Variants in MCUR1 observed in about 807,000 individuals in gnomAD.
The protein encoded by MCUR1 is MCU regulator 1.
In MCUR1, 37 loss-of-function variants were observed where a neutral mutation model predicts 42.0. The observed-to-expected ratio is 0.88, with a 90% CI of 0.68 to 1.16. The LOEUF is 1.16. Among genes scored for constraint, MCUR1 ranks in the 50% most tolerant of loss-of-function variants. The probability of loss-of-function intolerance (pLI) is 0.00; values close to 1 mark genes in which losing one functional copy is unlikely to be tolerated. For synonymous variants in MCUR1, 229 were observed against 196.2 expected, an observed-to-expected ratio of 1.17 and a Z score of -1.40; for missense variants, 469 against 468.4, an observed-to-expected ratio of 1.00 and a Z score of -0.01.
rs1357586369 is a variant in MCUR1, at chr6:13,802,287, TG to T, written c.594del (p.Asn199ThrfsTer22). 6.2e-7 allele frequency: 1 copy of T among 1,614,038 alleles called. No homozygotes were observed. The highest frequency in any genetic ancestry group is 8.5e-7 in the Non-Finnish European group (1 of 1,179,926). On this transcript the variant is annotated frameshift_variant, in exon 3 of 9. Transcript: ENST00000379170. LOFTEE classifies it high-confidence loss of function. ...IVSALVKILE[A>X]NMDIVYKDMV... ...ATATCTTTGTAGACGATGTCCATGT[TG>T]GCCTCCAGGATCTTGACCAATGCAG...
chr6:13,801,774 C>A (rs1584986676), intron 3 of MCUR1, among the ~76,000 whole-genome samples: 1 of 152,060 alleles, frequency 6.6e-6, no homozygotes, highest in Non-Finnish European at 1.5e-5. Flanking sequence ...CACTTGAACC[C>A]AGGAGGTCAA....
chr6:13,800,160 CAA>C, intron 5 of MCUR1, among the ~76,000 whole-genome samples, 179 bp downstream of exon 5: 1 of 152,222 alleles, frequency 6.6e-6, no homozygotes, highest in African/African-American at 2.4e-5. Context: ...TGGTTACAGA[CAA>C]CAGTAATTCA....
Position 13,790,791 on chromosome 6 carries a change from C to A in MCUR1, c.*18G>T, listed in dbSNP as rs1475631126. ...TCTTAAGGCAAAACAGTAGAAATCA[C>A]TTTAAATAGACACTTTATTAGATCC... On this transcript the variant is annotated 3_prime_UTR_variant, in exon 9 of 9. Coordinates refer to ENST00000379170, the MANE Select transcript of MCUR1 (RefSeq NM_001031713.4). 6.2e-7 allele frequency: 1 copy of A among 1,603,834 alleles called. No individual in the cohort carries two copies. Among genetic ancestry groups the A allele is most frequent in the Non-Finnish European group, 8.5e-7 (1 of 1,171,928 alleles).
chr6:13,810,064 G>A (rs373623573), intron 1 of MCUR1, among the ~76,000 whole-genome samples: 4 of 152,058 alleles, frequency 2.6e-5, no homozygotes, highest in South Asian at 4.2e-4. Context: ...TTAGCCATGC[G>A]TGGTGGCAGG....
chr6:13,792,690 A>G (rs1759757786), intron 7 of MCUR1, among the ~76,000 whole-genome samples: 1 of 152,172 alleles, frequency 6.6e-6, no homozygotes. Flanking sequence ...CATAAAAACC[A>G]TGGGAATCCT....
At chr6:13,809,009 T>C (rs1231661641) in intron 1 of MCUR1, among the ~76,000 whole-genome samples, 1 of 152,188 alleles carries the variant, frequency 6.6e-6, no homozygotes, top group Non-Finnish European at 1.5e-5. Flanking sequence ...GGTGCAAGCA[T>C]AGCTCACTAC....
Position 13,800,402 on chromosome 6 carries a change from AAG to A in MCUR1, c.742-22_742-21del. ...TATTTTCTAAAAACACATAAAAAAA[AAG>A]TCATTAGAAAGAACAACATAAAACG... On this transcript the variant is annotated intron_variant, in intron 4 of 8. Coordinates refer to ENST00000379170, the MANE Select transcript of MCUR1 (RefSeq NM_001031713.4). 1 of 1,016,346 alleles carries A rather than the reference AAG, an allele frequency of 9.8e-7. No homozygotes were observed. The highest frequency in any genetic ancestry group is 1.5e-6 in the Non-Finnish European group (1 of 676,632). The allele number at this position is 1,016,346 out of a possible 1,614,324, so 63.0% of individuals were successfully genotyped here.
chr6:13,804,241 T>C, intron 2 of MCUR1: 1 of 187,338 alleles, frequency 5.3e-6, no homozygotes, highest in Non-Finnish European at 1.1e-5. Flanking sequence ...GAGGATCGCT[T>C]GAAACCGGGA....
At position 13,801,379 on chromosome 6, in the gene MCUR1, A is replaced by G; in HGVS notation, c.650T>C (p.Phe217Ser). 6.2e-7 allele frequency: 1 copy of G among 1,610,102 alleles called. No individual in the cohort carries two copies. The highest frequency in any genetic ancestry group is 8.5e-7 in the Non-Finnish European group (1 of 1,178,580). The change falls in exon 4 of 9, where the codon TTT becomes TCT. Residue 217 changes from phenylalanine to serine, a missense_variant. Transcript: ENST00000379170. ...CGCAATCTGAGACATTACTTGCTGA[A>G]AAGTGATTTCCTAGGAAAAGAAAAA... The part of the protein sequence containing the change: ...MVTKMQQEIT[F>S]QQVMSQIANV...
intron 4 of MCUR1, 81 bp downstream of exon 4, chr6:13,801,207 C>T (rs776133400): frequency 9.7e-6 from 9 of 924,882 alleles, no homozygotes; most frequent in African/African-American, 6.6e-5. Flanking sequence ...GTACACTTAA[C>T]GTGTGCTCTT....
At chr6:13,803,959 A>G in intron 2 of MCUR1, 1 of 934,062 alleles carries the variant, frequency 1.1e-6, no homozygotes, top group Non-Finnish European at 1.3e-6. Flanking sequence ...TAGTGATCCC[A>G]TCTCCATTTT....
At chr6:13,807,408 T>C (rs1418317518) in intron 1 of MCUR1, among the ~76,000 whole-genome samples, 1 of 152,226 alleles carries the variant, frequency 6.6e-6, no homozygotes, top group East Asian at 1.9e-4. Flanking sequence ...AATGGAATCA[T>C]ATAATATATA....
intron 1 of MCUR1, among the ~76,000 whole-genome samples, chr6:13,812,085 C>T (rs112077641): frequency 0.012 from 1,771 of 152,242 alleles, 32 homozygotes; most frequent in African/African-American, 0.04. Flanking sequence ...AGGAAGCGAG[C>T]CAACTGAGCT....
At chr6:13,798,763 T>C in intron 6 of MCUR1, 70 bp downstream of exon 6, 2 of 1,185,986 alleles carry the variant, frequency 1.7e-6, no homozygotes, top group Middle Eastern at 3.9e-4. Flanking sequence ...GTACATAAAC[T>C]TAGGCTTAAC....
intron 1 of MCUR1, among the ~76,000 whole-genome samples, chr6:13,808,462 G>C (rs1422469616): frequency 6.6e-6 from 1 of 151,980 alleles, no homozygotes; most frequent in Non-Finnish European, 1.5e-5. Flanking sequence ...TTCACTTTTC[G>C]ATACTGTCTT....
chr6:13,798,716 T>C, intron 6 of MCUR1, 117 bp downstream of exon 6: 1 of 695,030 alleles, frequency 1.4e-6, no homozygotes. Flanking sequence ...AGCCTAACAC[T>C]GATAAACAGA....
chr6:13,801,410 C>T (rs1453676522), intron 3 of MCUR1, 21 bp from the exon 4 acceptor site: 1 of 1,540,912 alleles, frequency 6.5e-7, no homozygotes, highest in Non-Finnish European at 8.9e-7. Context: ...AAAAACAAAA[C>T]ACATAATCTA....
chr6:13,798,369 G>A (rs188384061), intron 6 of MCUR1, among the ~76,000 whole-genome samples: 56 of 151,946 alleles, frequency 3.7e-4, no homozygotes, highest in Non-Finnish European at 6.0e-4. Context: ...CAAAGTAGTG[G>A]GATTACAGGC....
In MCUR1 at chr6:13,793,799, G is replaced by A. The variant is rs1759790182; in HGVS notation, c.909+95C>T. On this transcript the variant is annotated intron_variant, in intron 7 of 8. Coordinates refer to ENST00000379170, the MANE Select transcript of MCUR1 (RefSeq NM_001031713.4). ...AAAAAATTCCCATGACAGTAAACCT[G>A]CATGTAACTTCCTATTATCATTACA... The A allele has an allele frequency of 8.5e-6, 9 of 1,057,974 alleles. No individual in the cohort carries two copies. In the South Asian group the frequency reaches 9.1e-5, roughly 11 times the overall value. 65.5% of individuals were successfully genotyped at this position (1,057,974 alleles called of 1,614,324 possible).
Sources: gnomAD v4.1 joint callset for allele counts (sites outside exome capture counted in the v4.1 genomes callset) on GRCh38, gnomAD v4.1.1 for gene constraint, MANE v1.5 for transcripts, NCBI Gene and HGNC (gene_info 2026-07-23, HGNC 2026-07-21) for gene names.